ARFGEF3: variants seen among roughly 807,000 people sequenced by gnomAD.
The protein encoded by ARFGEF3 is brefeldin A-inhibited guanine nucleotide-exchange protein 3.
In ARFGEF3, 96 loss-of-function variants were observed where a neutral mutation model predicts 221.7. The observed-to-expected ratio is 0.43, with a 90% confidence interval of 0.37 to 0.51. ARFGEF3 has a LOEUF of 0.51. Among genes scored for constraint, ARFGEF3 ranks in the 20% least tolerant of loss-of-function variants. ARFGEF3 has a pLI of 0.00. For synonymous variants in ARFGEF3, 1,145 were observed against 1,126.8 expected, an observed-to-expected ratio of 1.02 and a Z score of -0.32; for missense variants, 2,410 against 2,789.9, an observed-to-expected ratio of 0.86 and a Z score of 3.07.
At position 138,328,151 on chromosome 6, in the gene ARFGEF3, C is replaced by G. The variant is rs753576315; in HGVS notation, c.5123+9C>G. 17 of 1,590,092 alleles carry G rather than the reference C, an allele frequency of 1.1e-5. No homozygotes were observed. The highest frequency in any genetic ancestry group is 1.5e-5 in the Non-Finnish European group (17 of 1,167,502). ...GGACACACCAAGAAAAGGTAAGTAC[C>G]TAAATCTCAACTCATAGGGTGCTTA... On this transcript the variant is annotated intron_variant, in intron 32 of 33. Coordinates refer to ENST00000251691, the MANE Select transcript of ARFGEF3 (RefSeq NM_020340.5).
intron 32 of ARFGEF3, among the ~76,000 whole-genome samples, chr6:138,329,701 T>G (rs1780189645): frequency 6.6e-6 from 1 of 152,178 alleles, no homozygotes; most frequent in African/African-American, 2.4e-5. Flanking sequence ...TGGGTTTGGT[T>G]GAACATAAGG....
intron 11 of ARFGEF3, among the ~76,000 whole-genome samples, chr6:138,262,447 G>A (rs1039595817): frequency 2.6e-5 from 4 of 152,018 alleles, no homozygotes; most frequent in African/African-American, 7.2e-5. Context: ...CCACCTCAGC[G>A]TCCCAAAGTG....
intron 12 of ARFGEF3, among the ~76,000 whole-genome samples, chr6:138,274,882 C>A (rs982973331): frequency 2.8e-4 from 42 of 150,008 alleles, no homozygotes; most frequent in Non-Finnish European, 7.4e-5. Flanking sequence ...CTGAGGCGGG[C>A]AGATCACCTG....
At chr6:138,180,697 G>A (rs1247333707) in intron 2 of ARFGEF3, among the ~76,000 whole-genome samples, 1 of 152,200 alleles carries the variant, frequency 6.6e-6, no homozygotes, top group African/African-American at 2.4e-5. Flanking sequence ...GCTGTGAAAG[G>A]CAATGTGGGG....
intron 4 of ARFGEF3, among the ~76,000 whole-genome samples, chr6:138,223,176 AG>A (rs1388777744): frequency 1.3e-5 from 2 of 152,190 alleles, no homozygotes; most frequent in African/African-American, 2.4e-5. Context: ...ACCCCATAGA[AG>A]GGCATTTGGT....
chr6:138,165,902 T>C (rs753245194), intron 1 of ARFGEF3, among the ~76,000 whole-genome samples: 2 of 152,244 alleles, frequency 1.3e-5, no homozygotes, highest in Non-Finnish European at 2.9e-5. Context: ...TGGTTTCCCT[T>C]GTTCTCTTTG....
In ARFGEF3 at chr6:138,206,909, G is replaced by A. The variant is rs114844043; in HGVS notation, c.138-133G>A. 17 of 658,572 alleles carry A rather than the reference G, an allele frequency of 2.6e-5. No individual in the cohort carries two copies. In the East Asian group the frequency reaches 4.7e-4, roughly 18 times the overall value. The allele number at this position is 658,572 out of a possible 1,614,324, so 40.8% of individuals were successfully genotyped here. The stretch of plus-strand genomic sequence containing the variant: ...GCTGTGTTTTCTCTTAAGCCCATGT[G>A]CATTTTTATTATTGGTTATAGTTTT... On this transcript the variant is annotated intron_variant, in intron 2 of 33. Coordinates refer to ENST00000251691, the MANE Select transcript of ARFGEF3 (RefSeq NM_020340.5).
At chr6:138,183,801 G>A (rs1003619748) in intron 2 of ARFGEF3, among the ~76,000 whole-genome samples, 3 of 152,204 alleles carry the variant, frequency 2.0e-5, no homozygotes, top group African/African-American at 7.2e-5. Context: ...AAATGGAGAT[G>A]GAAACGGGAA....
intron 29 of ARFGEF3, among the ~76,000 whole-genome samples, chr6:138,321,924 A>T (rs983315773): frequency 1.3e-5 from 2 of 152,198 alleles, no homozygotes; most frequent in African/African-American, 4.8e-5. Context: ...GGGAGGCCTC[A>T]CAATCATGGC....
chr6:138,309,797 A>T (rs1438723885), intron 24 of ARFGEF3, among the ~76,000 whole-genome samples: 2 of 152,232 alleles, frequency 1.3e-5, no homozygotes, highest in Non-Finnish European at 2.9e-5. Flanking sequence ...CCAGCTCCAG[A>T]GACAGAGACA....
chr6:138,168,040 C>T (rs1007077453), intron 1 of ARFGEF3, among the ~76,000 whole-genome samples: 5 of 152,288 alleles, frequency 3.3e-5, no homozygotes, highest in African/African-American at 9.6e-5. Flanking sequence ...TACTCAGCTA[C>T]ACTGTGCTCC....
chr6:138,274,256 C>T (rs1779055205), intron 12 of ARFGEF3, among the ~76,000 whole-genome samples: 1 of 152,074 alleles, frequency 6.6e-6, no homozygotes, highest in East Asian at 1.9e-4. Flanking sequence ...TGTTGATAGA[C>T]TCAATTGTAC....
At chr6:138,272,473 A>G (rs1287934920) in intron 12 of ARFGEF3, among the ~76,000 whole-genome samples, 2 of 152,212 alleles carry the variant, frequency 1.3e-5, no homozygotes, top group Admixed American at 1.3e-4. Flanking sequence ...GCCATTTACA[A>G]TGATGTTTTC....
rs1776893893 is a variant in ARFGEF3, at chr6:138,174,262, A to G, written c.137+3549A>G. On this transcript the variant is annotated intron_variant, in intron 2 of 33. Coordinates refer to ENST00000251691, the MANE Select transcript of ARFGEF3 (RefSeq NM_020340.5). ...ATAATTAGAGCAGAAAAGAGATTGA[A>G]TCAATACTAGTCTGATTTACTATTC... Among the ~76,000 whole-genome samples the G allele has an allele frequency of 3.9e-5, 6 of 152,084 alleles. 1 individual carries two copies. The highest frequency in any genetic ancestry group is 3.3e-4 in the Admixed American group (5 of 15,282).
chr6:138,263,026 A>G lies in ARFGEF3; in HGVS notation c.1543A>G (p.Thr515Ala). 2 of 1,607,400 alleles carry G rather than the reference A, an allele frequency of 1.2e-6. No individual in the cohort carries two copies. The highest frequency in any genetic ancestry group is 1.7e-6 in the Non-Finnish European group (2 of 1,177,038). Residue 515 changes from threonine to alanine, a missense_variant, in exon 12 of 34, where the codon ACT becomes GCT. Thr to Ala is a moderately conservative substitution (Grantham distance 58). This residue lies in a region of ARFGEF3 where 594 missense variants were observed against 734.3 expected (regional missense o/e 0.81). Transcript: ENST00000251691. ...ISVTTDTGQT[T>A]LEGELGQTTP... ...TGTCACCACAGACACAGGCCAGACCACTCTCGAGGGAGAGTTGGGTCAGAC... is the reference window on the plus strand; with the variant it reads ...TGTCACCACAGACACAGGCCAGACCGCTCTCGAGGGAGAGTTGGGTCAGAC...
intron 6 of ARFGEF3, among the ~76,000 whole-genome samples, chr6:138,241,590 G>A (rs372306975): frequency 1.2e-4 from 19 of 152,292 alleles, no homozygotes; most frequent in Admixed American, 2.0e-4. Context: ...TTTCCCGGGC[G>A]TGCCCTAAAG....
At chr6:138,182,065 C>A (rs1158988212) in intron 2 of ARFGEF3, among the ~76,000 whole-genome samples, 1 of 152,040 alleles carries the variant, frequency 6.6e-6, no homozygotes, top group Admixed American at 6.6e-5. Flanking sequence ...TTCTTGGAAA[C>A]CTTTGTTTCC....
intron 4 of ARFGEF3, among the ~76,000 whole-genome samples, chr6:138,220,694 A>G (rs531443107): frequency 1.3e-5 from 2 of 152,348 alleles, no homozygotes; most frequent in Non-Finnish European, 2.9e-5. Flanking sequence ...CTTCATGTCT[A>G]ATATACTTGC....
intron 32 of ARFGEF3, among the ~76,000 whole-genome samples, chr6:138,330,242 G>T (rs1204579289): frequency 6.6e-6 from 1 of 152,050 alleles, no homozygotes; most frequent in Admixed American, 6.5e-5. Flanking sequence ...GAGGAAATTT[G>T]GTCATGAGGG....
Sources: allele counts gnomAD v4.1 joint callset (sites outside exome capture counted in the v4.1 genomes callset), GRCh38; gene constraint gnomAD v4.1.1; regional missense constraint gnomAD v4.1.1; transcripts MANE v1.5; gene names NCBI Gene and HGNC (gene_info 2026-07-23, HGNC 2026-07-21).